Variants in ERN1 observed in about 807,000 individuals in gnomAD.
The protein encoded by ERN1 is endoplasmic reticulum to nucleus signaling 1, also known as serine/threonine-protein kinase/endoribonuclease IRE1.
In ERN1, 39 loss-of-function variants were observed where a neutral mutation model predicts 113.1. The ratio of observed to expected loss-of-function variants is 0.34; its 90% confidence interval spans 0.27 to 0.45. The LOEUF is 0.45. Ranked by LOEUF, ERN1 falls within the 20% of genes least tolerant of loss-of-function variation. The probability of loss-of-function intolerance (pLI) is 1.00; values close to 1 mark genes in which losing one functional copy is unlikely to be tolerated. For missense variants in ERN1, 976 were observed against 1,274.8 expected (o/e 0.77, Z 3.57); for synonymous variants, 507 against 515.9 (o/e 0.98, Z 0.23).
chr17:64,074,936 C>T (rs1913540281), intron 5 of ERN1: 6 of 502,512 alleles, frequency 1.2e-5, no homozygotes, highest in South Asian at 7.9e-5. Context: ...TAAGTCAACA[C>T]AGCAACTAAA....
chr17:64,116,644 A>G (rs1914809959), intron 1 of ERN1, among the ~76,000 whole-genome samples: 2 of 147,570 alleles, frequency 1.4e-5, no homozygotes, highest in South Asian at 4.2e-4. Context: ...ATTTAATGTA[A>G]AAAAAAAATA....
At position 64,060,591 on chromosome 17, in the gene ERN1, T is replaced by A. The variant is rs1458973615; in HGVS notation, c.1088-4A>T. 1.2e-6 allele frequency: 2 copies of A among 1,602,484 alleles called. No individual in the cohort carries two copies. The highest frequency in any genetic ancestry group is 3.3e-5 in the Admixed American group (2 of 60,002). Reference sequence around the variant, plus strand: ...GACAGTGGGGTTTCATGGTGTCCTATGACAGGAAACAAAACCTTTAGTGAG... The same window carrying A: ...GACAGTGGGGTTTCATGGTGTCCTAAGACAGGAAACAAAACCTTTAGTGAG... On this transcript the variant is annotated splice_region_variant and splice_polypyrimidine_tract_variant and intron_variant, in intron 10 of 21. Transcript: ENST00000433197.
chr17:64,047,830 T>G (rs746648200), intron 19 of ERN1, 28 bp downstream of exon 19: 2 of 1,535,556 alleles, frequency 1.3e-6, no homozygotes, highest in South Asian at 2.6e-5. Flanking sequence ...AAATGAAGAC[T>G]CTGGATAAAG....
At chr17:64,110,281 G>C (rs1241339057) in intron 1 of ERN1, among the ~76,000 whole-genome samples, 4 of 152,140 alleles carry the variant, frequency 2.6e-5, no homozygotes, top group Non-Finnish European at 5.9e-5. Flanking sequence ...TCTGACGTAT[G>C]TATACATTGT....
At chr17:64,052,469 C>T (rs1036974685) in intron 17 of ERN1, among the ~76,000 whole-genome samples, 15 of 150,818 alleles carry the variant, frequency 9.9e-5, no homozygotes, top group Non-Finnish European at 1.9e-4. Context: ...CATGCCACTA[C>T]ACTCCAGCCT....
intron 17 of ERN1, among the ~76,000 whole-genome samples, chr17:64,052,386 T>C (rs545808191): frequency 5.0e-4 from 76 of 152,190 alleles, no homozygotes; most frequent in African/African-American, 1.8e-3. Context: ...GTACCTGTAA[T>C]CCTAGCTACT....
At chr17:64,064,950 G>A (rs1172270420) in intron 9 of ERN1, among the ~76,000 whole-genome samples, 1 of 152,186 alleles carries the variant, frequency 6.6e-6, no homozygotes, top group Non-Finnish European at 1.5e-5. Flanking sequence ...GCAGGGCCAT[G>A]AACACCAGCC....
chr17:64,124,752 G>A (rs1203465183), intron 1 of ERN1, among the ~76,000 whole-genome samples: 1 of 152,172 alleles, frequency 6.6e-6, no homozygotes, highest in Non-Finnish European at 1.5e-5. Flanking sequence ...TAAATAAAAT[G>A]TGGTATATTC....
At chr17:64,122,310 G>A (rs1394862531) in intron 1 of ERN1, among the ~76,000 whole-genome samples, 5 of 152,232 alleles carry the variant, frequency 3.3e-5, no homozygotes, top group South Asian at 4.1e-4. Flanking sequence ...CTGAGAGAGG[G>A]TGCCCCAAAC....
At chr17:64,118,796 G>C (rs561999735) in intron 1 of ERN1, among the ~76,000 whole-genome samples, 1 of 152,122 alleles carries the variant, frequency 6.6e-6, no homozygotes, top group African/African-American at 2.4e-5. Context: ...AAAACCCTTC[G>C]AGGGAACTCT....
intron 1 of ERN1, among the ~76,000 whole-genome samples, chr17:64,107,828 T>C (rs1914570337): frequency 6.6e-6 from 1 of 152,218 alleles, no homozygotes. Context: ...ACAAAAGTCT[T>C]ACTGTTTTAA....
chr17:64,058,347 C>T (rs149896702), intron 11 of ERN1, among the ~76,000 whole-genome samples: 122 of 152,272 alleles, frequency 8.0e-4, no homozygotes, highest in Non-Finnish European at 1.3e-3. Context: ...ACACTGAAGT[C>T]ATCTGTAACA....
At chr17:64,104,295 C>T (rs962997898) in intron 1 of ERN1, among the ~76,000 whole-genome samples, 2 of 152,140 alleles carry the variant, frequency 1.3e-5, no homozygotes, top group African/African-American at 4.8e-5. Flanking sequence ...ATTTCAGCAG[C>T]CTTATCACTG....
In ERN1 at chr17:64,066,922, G is replaced by A. The variant is rs747433460; in HGVS notation, c.591C>T (p.His197=). 2 of 1,613,832 alleles carry A rather than the reference G, an allele frequency of 1.2e-6. No individual in the cohort carries two copies. The highest frequency in any genetic ancestry group is 1.3e-5 in the African/African-American group (1 of 75,012). ...PEDDVDYKMS[H]FVSNGDGLVV... ...CCAGCCCATCACCATTGGACACAAA[G>A]TGGGACATCTCTGTACAGATCAAAT... is the stretch of plus-strand genomic sequence containing the variant. Residue 197 remains histidine, a synonymous_variant, in exon 8 of 22, where the codon CAC becomes CAT. Transcript: ENST00000433197.
rs1485009608 is a variant in ERN1 at position 64,063,374 on chromosome 17, T to C, written c.1087+612A>G. 2.0e-5 allele frequency among the ~76,000 whole-genome samples: 3 copies of C among 152,164 alleles called. No individual in the cohort carries two copies. The highest frequency in any genetic ancestry group is 4.4e-5 in the Non-Finnish European group (3 of 68,034). ...ACTCAAGAAGTGTCATCTCAACTTA[T>C]CTCTCTTGGGACAGGGCCTCTAGTT... On this transcript the variant is annotated intron_variant, in intron 10 of 21. Coordinates refer to ENST00000433197, the MANE Select transcript of ERN1 (RefSeq NM_001433.5). This position sits in a 1 kb window ranked among gnomAD's most constrained non-coding sequence, Gnocchi z 5.1.
chr17:64,058,022 T>C lies in ERN1; in HGVS notation c.1207-29A>G, dbSNP rs369101045. ...GCATGGGAGAGAGTTGCGACATCAC[T>C]GCAAAATTTCTAGCCAGATACAGAT... On this transcript the variant is annotated intron_variant, in intron 11 of 21. Transcript: ENST00000433197. 9.7e-5 allele frequency: 145 copies of C among 1,487,550 alleles called. 3 individuals are homozygous for C. Among genetic ancestry groups the C allele is most frequent in the East Asian group, 9.4e-4 (39 of 41,398 alleles). 92.1% of individuals were successfully genotyped at this position (1,487,550 alleles called of 1,614,324 possible). A position where few individuals can be genotyped will look rare whatever the true frequency, so the allele number is the denominator to read the frequency against.
In ERN1 at chr17:64,073,186, T is replaced by G. The variant is rs548644694; in HGVS notation, c.356-1083A>C. ...TGCCTGGCTCTTTTTTTATTTTTTT[T>G]GGGATGGAGTCTCGCTCTGCCGCCC... On this transcript the variant is annotated intron_variant, in intron 5 of 21. Coordinates refer to ENST00000433197, the MANE Select transcript of ERN1 (RefSeq NM_001433.5). Among the ~76,000 whole-genome samples the G allele has an allele frequency of 1.7e-3, 258 of 151,988 alleles. 4 individuals carry two copies. The highest frequency in any genetic ancestry group is 1.6e-4 in the Non-Finnish European group (11 of 67,956).
rs1483564492 is a variant in ERN1, at chr17:64,044,989, A to C, written c.2654-62T>G. ...TTTAAAACTAATACATTTTAAAAGA[A>C]AACAATTCATGGGGTCCTGGGATTA... On this transcript the variant is annotated intron_variant, in intron 20 of 21. Coordinates refer to ENST00000433197, the MANE Select transcript of ERN1 (RefSeq NM_001433.5). The surrounding 1 kb of genome is among the most constrained non-coding windows in gnomAD (Gnocchi z 4.1). The C allele has an allele frequency of 1.6e-6, 2 of 1,220,824 alleles. No individual in the cohort carries two copies. The highest frequency in any genetic ancestry group is 4.0e-5 in the Admixed American group (2 of 50,556). 75.6% of individuals were successfully genotyped at this position (1,220,824 alleles called of 1,614,324 possible). A position where few individuals can be genotyped will look rare whatever the true frequency, so the allele number is the denominator to read the frequency against.
intron 1 of ERN1, chr17:64,129,146 A>G (rs1371880082): frequency 6.6e-6 from 1 of 152,040 alleles, no homozygotes; most frequent in Non-Finnish European, 1.5e-5. Flanking sequence ...CCCCAAATCC[A>G]CAGCTGAGTG....
Sources: gnomAD v4.1 joint callset for allele counts (sites outside exome capture counted in the v4.1 genomes callset) on GRCh38, gnomAD v4.1.1 for gene constraint, Gnocchi (gnomAD v3.1) non-coding constraint, MANE v1.5 for transcripts, NCBI Gene and HGNC (gene_info 2026-07-23, HGNC 2026-07-21) for gene names.